Variants in PTPRE observed in about 807,000 individuals in gnomAD.
PTPRE encodes protein tyrosine phosphatase receptor type E, also known as receptor-type tyrosine-protein phosphatase epsilon.
PTPRE carries 51 observed loss-of-function variants against 102.0 expected under a neutral mutation model. The observed-to-expected ratio is 0.50, with a 90% confidence interval of 0.40 to 0.63. The LOEUF (loss-of-function observed/expected upper bound fraction) is 0.63, where lower values mean the gene tolerates loss of function less well. PTPRE is among the 30% of genes least tolerant of loss of function. The probability of loss-of-function intolerance (pLI) is 0.00; values close to 1 mark genes in which losing one functional copy is unlikely to be tolerated. For synonymous variants in PTPRE, 345 were observed against 348.2 expected (o/e 0.99, Z 0.10); for missense variants, 752 against 915.1 (o/e 0.82, Z 2.30).
intron 16 of PTPRE, 135 bp from the exon 17 acceptor site, chr10:128,073,202 C>G: frequency 2.4e-6 from 3 of 1,253,168 alleles, no homozygotes; most frequent in Non-Finnish European, 3.3e-6. Context: ...CTCGTGCCAA[C>G]TGGGGTCTGG....
In PTPRE at chr10:128,070,303, G is replaced by C; in HGVS notation, c.1146G>C (p.Met382Ile). 1 of 1,608,250 alleles carries C rather than the reference G, an allele frequency of 6.2e-7. No homozygotes were observed. The highest frequency in any genetic ancestry group is 8.5e-7 in the Non-Finnish European group (1 of 1,177,232). The change falls in exon 14 of 21, where the codon ATG becomes ATC. Residue 382 changes from methionine (M) to isoleucine (I), a missense_variant and splice_region_variant. Physicochemically the swap from Met to Ile is conservative, Grantham distance 10. Around this residue, in one of 2 missense-constraint regions of PTPRE, gnomAD observed 636 missense variants for 824.4 expected, o/e 0.77. Coordinates refer to ENST00000254667, the MANE Select transcript of PTPRE (RefSeq NM_006504.6). This position sits in a 1 kb window ranked among gnomAD's most constrained non-coding sequence, Gnocchi z 4.8. ...NQRPQMVQTD[M>I]QYTFIYQALL... Reference sequence around the variant, plus strand: ...GGGCACCCCTGGCCTCTCTGCAGATGCAGTACACGTTCATCTACCAAGCCT... The same window carrying C: ...GGGCACCCCTGGCCTCTCTGCAGATCCAGTACACGTTCATCTACCAAGCCT...
intron 1 of PTPRE, among the ~76,000 whole-genome samples, chr10:127,918,785 C>T (rs981520545): frequency 5.9e-5 from 9 of 152,254 alleles, no homozygotes; most frequent in Non-Finnish European, 1.0e-4. Flanking sequence ...AGGGCCTGCC[C>T]GCGAGGAAGA....
intron 2 of PTPRE, among the ~76,000 whole-genome samples, chr10:128,012,820 A>G (rs1377660333): frequency 6.6e-6 from 1 of 152,220 alleles, no homozygotes; most frequent in Admixed American, 6.5e-5. Context: ...GTGGTCTCCC[A>G]GTTAGACTAG....
chr10:127,908,051 G>T (rs1262084762), intron 1 of PTPRE, among the ~76,000 whole-genome samples: 1 of 152,232 alleles, frequency 6.6e-6, no homozygotes, highest in Admixed American at 6.5e-5. Flanking sequence ...AGCCAAGCCG[G>T]ATGGAGACCG....
Position 127,907,298 on chromosome 10 carries a change from G to T in PTPRE, c.-42G>T. The stretch of plus-strand genomic sequence containing the variant: ...GCAGCGCGATCTGCGCGACCAGACC[G>T]GCCCCCCCGAGGTGAGCGCGCGTGC... On this transcript the variant is annotated 5_prime_UTR_variant, in exon 1 of 21. Coordinates refer to ENST00000254667, the MANE Select transcript of PTPRE (RefSeq NM_006504.6). The surrounding 1 kb of genome is among the most constrained non-coding windows in gnomAD (Gnocchi z 4.8). The T allele has an allele frequency of 3.0e-6, 3 of 984,772 alleles. No homozygotes were observed. The highest frequency in any genetic ancestry group is 3.6e-6 in the Non-Finnish European group (3 of 829,740). 61.0% of individuals were successfully genotyped at this position (984,772 alleles called of 1,614,324 possible). A position where few individuals can be genotyped will look rare whatever the true frequency, so the allele number is the denominator to read the frequency against.
chr10:128,007,181 T>A (rs1854643238), intron 2 of PTPRE, among the ~76,000 whole-genome samples: 2 of 152,198 alleles, frequency 1.3e-5, no homozygotes, highest in African/African-American at 4.8e-5. Flanking sequence ...GATAAATATT[T>A]GAGGGGATGT....
intron 2 of PTPRE, among the ~76,000 whole-genome samples, chr10:128,010,545 C>CCTTTCCTTTTCTTTT (rs1554919717): frequency 1.6e-5 from 2 of 128,278 alleles, no homozygotes; most frequent in African/African-American, 6.0e-5. Context: ...AAACCCTGTT[C>CCTTTCCTTTTCTTTT]CTTTTCTTTT....
At chr10:128,047,925 A>G (rs1848240090) in intron 5 of PTPRE, 88 bp downstream of exon 5, 1 of 1,390,748 alleles carries the variant, frequency 7.2e-7, no homozygotes. Context: ...TTAACGTTCA[A>G]AGTAAATTTT....
intron 1 of PTPRE, among the ~76,000 whole-genome samples, chr10:127,919,382 T>TCTCTAAA (rs1846434693): frequency 6.6e-6 from 1 of 152,248 alleles, no homozygotes; most frequent in African/African-American, 2.4e-5. Flanking sequence ...CATCTCCTTA[T>TCTCTAAA]TTAGAGCCAG....
At chr10:127,999,670 T>G (rs1201964904) in intron 2 of PTPRE, 1 of 983,970 alleles carries the variant, frequency 1.0e-6, no homozygotes, top group Admixed American at 6.1e-5. Flanking sequence ...TCTGCTGCTG[T>G]GAATTATACA....
intron 1 of PTPRE, among the ~76,000 whole-genome samples, chr10:127,967,402 C>T (rs1201486931): frequency 6.6e-6 from 1 of 152,066 alleles, no homozygotes; most frequent in Admixed American, 6.5e-5. Flanking sequence ...AGGTTTTTCC[C>T]GTGCTGTTCT....
rs2135985122 is a variant in PTPRE, at chr10:128,066,213, T to C, written c.843+19T>C. ...ACAGCCAGTAAGCATCTCTAGTTGCTGCCCTTCCAGAAAGATCATTTTCAG... is the reference window on the plus strand; with the variant it reads ...ACAGCCAGTAAGCATCTCTAGTTGCCGCCCTTCCAGAAAGATCATTTTCAG... On this transcript the variant is annotated intron_variant, in intron 11 of 20. Transcript: ENST00000254667. 3.1e-6 allele frequency: 5 copies of C among 1,611,166 alleles called. No individual in the cohort carries two copies. Among genetic ancestry groups the C allele is most frequent in the East Asian group, 4.5e-5 (2 of 44,824 alleles).
At chr10:128,069,623 C>T (rs1343482415) in intron 12 of PTPRE, 69 bp from the exon 13 acceptor site, 2 of 1,597,376 alleles carry the variant, frequency 1.3e-6, no homozygotes, top group East Asian at 4.5e-5. Flanking sequence ...GCGCAGGCCC[C>T]TTCGGGGCCT....
chr10:127,984,764 G>A (rs946892888), intron 2 of PTPRE, among the ~76,000 whole-genome samples: 32 of 152,310 alleles, frequency 2.1e-4, no homozygotes, highest in African/African-American at 7.5e-4. Context: ...TCTTGTCTGT[G>A]CCATGTGAGA....
chr10:128,029,324 T>C (rs1846530322), intron 2 of PTPRE, among the ~76,000 whole-genome samples: 1 of 152,228 alleles, frequency 6.6e-6, no homozygotes, highest in Non-Finnish European at 1.5e-5. Context: ...GGGCGGGTCC[T>C]GGCTCAGCAC....
At chr10:128,046,347 C>T (rs1056743726) in intron 3 of PTPRE, among the ~76,000 whole-genome samples, 3 of 152,190 alleles carry the variant, frequency 2.0e-5, no homozygotes, top group African/African-American at 7.2e-5. Flanking sequence ...GGAGGAAGCG[C>T]ATGGACCCTG....
At chr10:127,989,463 A>G (rs1852417540) in intron 2 of PTPRE, among the ~76,000 whole-genome samples, 1 of 152,222 alleles carries the variant, frequency 6.6e-6, no homozygotes, top group Admixed American at 6.5e-5. Context: ...GCAGCAGTCC[A>G]GGCATGCCTT....
At chr10:127,959,414 A>G (rs899190791) in intron 1 of PTPRE, among the ~76,000 whole-genome samples, 26 of 152,214 alleles carry the variant, frequency 1.7e-4, no homozygotes, top group Admixed American at 1.6e-3. Flanking sequence ...AGATGATAGC[A>G]TATGCCTTTC....
At chr10:128,066,756 A>G (rs1205850674) in intron 11 of PTPRE, among the ~76,000 whole-genome samples, 1 of 152,232 alleles carries the variant, frequency 6.6e-6, no homozygotes, top group Non-Finnish European at 1.5e-5. Context: ...CATTGGCATA[A>G]TTAGGTCACA....
Sources: gnomAD v4.1 joint callset for allele counts (sites outside exome capture counted in the v4.1 genomes callset) on GRCh38, gnomAD v4.1.1 for gene constraint, gnomAD v4.1.1 regional missense constraint, Gnocchi (gnomAD v3.1) non-coding constraint, MANE v1.5 for transcripts, NCBI Gene and HGNC (gene_info 2026-07-23, HGNC 2026-07-21) for gene names.